The following B4GALNT2 variants were observed in gnomAD, a reference collection of about 807,000 sequenced individuals.
The protein encoded by B4GALNT2 is beta-1,4-N-acetyl-galactosaminyltransferase 2 (SID blood group), also known as N-acetylneuraminylgalactosylglucosyl-glucoside beta-1,4-N- acetylgalactosaminyltransferase 2.
Under a neutral mutation model 51.1 loss-of-function variants are expected in B4GALNT2, and 42 were observed. That is an observed-to-expected ratio of 0.82 (90% CI 0.64 to 1.06). The LOEUF (loss-of-function observed/expected upper bound fraction) is 1.06, where lower values mean the gene tolerates loss of function less well. B4GALNT2 is among the 50% of genes least tolerant of loss of function. B4GALNT2 has a pLI of 0.00. For synonymous variants in B4GALNT2, 253 were observed against 251.7 expected (o/e 1.01, Z -0.05); for missense variants, 602 against 633.6 (o/e 0.95, Z 0.54).
chr17:49,130,140 G>C (rs1355784483), upstream of B4GALNT2, among the ~76,000 whole-genome samples: 1 of 152,168 alleles, frequency 6.6e-6, no homozygotes, highest in Non-Finnish European at 1.5e-5. Context: ...AACCATAGAG[G>C]GTTCACCTTG....
At position 49,150,708 on chromosome 17, in the gene B4GALNT2, C is replaced by T. The variant is rs1337805234; in HGVS notation, c.354-2092C>T. ...GCGGTGCAAGATGTGCTTTGTTAAA[C>T]AGATGCTTGACGGCAGCATGCTCGT... On this transcript the variant is annotated intron_variant, in intron 3 of 10. Transcript: ENST00000393354. Among the ~76,000 whole-genome samples, 6 of 151,290 alleles carry T rather than the reference C, an allele frequency of 4.0e-5. No homozygotes were observed. The South Asian group carries it at 1.3e-3, about 32-fold the overall frequency.
upstream of B4GALNT2, chr17:49,132,695 G>C (rs2042550279): frequency 3.7e-6 from 5 of 1,344,634 alleles, no homozygotes; most frequent in South Asian, 2.0e-5. Context: ...TGCCCTACTC[G>C]CCGAGAATTT....
At chr17:49,161,806 G>A (rs1358158240) in intron 7 of B4GALNT2, among the ~76,000 whole-genome samples, 2 of 149,892 alleles carry the variant, frequency 1.3e-5, no homozygotes, top group Non-Finnish European at 3.0e-5. Context: ...GCAGTGAGCC[G>A]AGATCCTGCC....
chr17:49,168,060 T>G (rs920285360), intron 9 of B4GALNT2, among the ~76,000 whole-genome samples: 6 of 152,148 alleles, frequency 3.9e-5, no homozygotes, highest in Non-Finnish European at 7.4e-5. Context: ...GAAGGGTCAT[T>G]TATTAAAAGG....
chr17:49,166,753 G>A (rs2042915038), intron 9 of B4GALNT2, among the ~76,000 whole-genome samples: 1 of 152,116 alleles, frequency 6.6e-6, no homozygotes, highest in South Asian at 2.1e-4. Flanking sequence ...GATCGCTTGA[G>A]CCCAGGAGTT....
At chr17:49,125,521 A>G in the B4GALNT2 span, among the ~76,000 whole-genome samples, 1,816 of 152,180 alleles carry the variant, frequency 0.012, 21 homozygotes, top group Non-Finnish European at 0.02. Context: ...AAGTGCAGAT[A>G]AGGTCTGACT....
At chr17:49,166,803 T>A (rs1173161338) in intron 9 of B4GALNT2, among the ~76,000 whole-genome samples, 1 of 151,494 alleles carries the variant, frequency 6.6e-6, no homozygotes, top group African/African-American at 2.4e-5. Flanking sequence ...CTCATCTGTA[T>A]AAAGAAATAC....
At chr17:49,165,409 T>A (rs1467261572) in intron 8 of B4GALNT2, among the ~76,000 whole-genome samples, 2 of 86,484 alleles carry the variant, frequency 2.3e-5, no homozygotes, top group African/African-American at 9.3e-5. Context: ...CCACCCTCCC[T>A]CTCTCCCCCA....
rs763549349 is a variant in B4GALNT2, at chr17:49,166,167, T to C, written c.1008T>C (p.Val336=). 1 of 1,614,042 alleles carries C rather than the reference T, an allele frequency of 6.2e-7. No homozygotes were observed. The highest frequency in any genetic ancestry group is 8.5e-7 in the Non-Finnish European group (1 of 1,179,952). The change falls in exon 9 of 11, where the codon GTT becomes GTC. Residue 336 remains valine (V), a synonymous_variant. Transcript: ENST00000393354. ...TATCTCAGGTCACCACCAAATACGT[T>C]CTCTGGGTGGACGATGATTTTCTCT... is the stretch of plus-strand genomic sequence containing the variant. ...LAISQVTTKY[V]LWVDDDFLFN...
At chr17:49,124,372 A>G in the B4GALNT2 span, among the ~76,000 whole-genome samples, 30 of 152,236 alleles carry the variant, frequency 2.0e-4, no homozygotes, top group African/African-American at 6.5e-4. Flanking sequence ...ACTACCTTCT[A>G]AAGAGGACCA....
At chr17:49,130,804 G>A (rs955079816), upstream of B4GALNT2, among the ~76,000 whole-genome samples, 1 of 152,060 alleles carries the variant, frequency 6.6e-6, no homozygotes, top group Admixed American at 6.5e-5. Context: ...TGGGTTGAGG[G>A]GTTGTAGTAT....
chr17:49,133,212 C>G (rs1321040859), intron 1 of B4GALNT2: 5 of 1,495,268 alleles, frequency 3.3e-6, no homozygotes, highest in Non-Finnish European at 4.4e-6. Context: ...GAGGAGCCGC[C>G]GTCAGGGGTA....
chr17:49,126,923 C>G, the B4GALNT2 span, among the ~76,000 whole-genome samples: 1 of 151,816 alleles, frequency 6.6e-6, no homozygotes, highest in East Asian at 1.9e-4. Context: ...AGGCTGGTCT[C>G]GAGCTCCTGA....
At chr17:49,158,781 C>G (rs964550242) in intron 5 of B4GALNT2, among the ~76,000 whole-genome samples, 10 of 151,852 alleles carry the variant, frequency 6.6e-5, no homozygotes, top group Non-Finnish European at 2.9e-5. Context: ...CGGAACCCTG[C>G]GAGCTGAGAG....
intron 5 of B4GALNT2, among the ~76,000 whole-genome samples, chr17:49,157,737 C>T (rs928882854): frequency 9.9e-5 from 15 of 152,210 alleles, no homozygotes; most frequent in African/African-American, 3.4e-4. Context: ...AGTGGGATTA[C>T]AGGCGTGAGC....
chr17:49,126,385 C>T, the B4GALNT2 span, among the ~76,000 whole-genome samples: 1 of 151,836 alleles, frequency 6.6e-6, no homozygotes. Flanking sequence ...GGTGCTCTGC[C>T]TAGGAAAACC....
At chr17:49,155,468 G>A (rs968463748) in intron 4 of B4GALNT2, among the ~76,000 whole-genome samples, 1 of 150,866 alleles carries the variant, frequency 6.6e-6, no homozygotes, top group Non-Finnish European at 1.5e-5. Context: ...CGAATGTGGT[G>A]GCTCACACCT....
At position 49,141,412 on chromosome 17, in the gene B4GALNT2, A is replaced by G. The variant is rs776988950; in HGVS notation, c.180A>G (p.Glu60=). The G allele has an allele frequency of 2.5e-6, 4 of 1,614,004 alleles. No homozygotes were observed. The highest frequency in any genetic ancestry group is 2.7e-5 in the African/African-American group (2 of 74,920). Residue 60 remains glutamate, a synonymous_variant, in exon 2 of 11, where the codon GAA becomes GAG. Coordinates refer to ENST00000393354, the MANE Select transcript of B4GALNT2 (RefSeq NM_001159387.2). The part of the protein sequence containing the change: ...GVQKLKLLPE[E]RLRNLFSYDG... ...AGAAGCTGAAGCTTCTGCCTGAGGA[A>G]CGTCTCAGGAACCTCTTTTCCTACG...
chr17:49,131,462 GAAAAAAAAAA>G (rs367790096), upstream of B4GALNT2, among the ~76,000 whole-genome samples: 63,911 of 100,990 alleles, frequency 0.63, 17,830 homozygotes, highest in Middle Eastern at 0.76. Flanking sequence ...CCCAGACTCC[GAAAAAAAAAA>G]AAAAAAAAAA....
Sources: gnomAD v4.1 joint callset for allele counts (sites outside exome capture counted in the v4.1 genomes callset) on GRCh38, gnomAD v4.1.1 for gene constraint, MANE v1.5 for transcripts, NCBI Gene and HGNC (gene_info 2026-07-23, HGNC 2026-07-21) for gene names.